KCNQ5: variants seen among roughly 807,000 people sequenced by gnomAD.
KCNQ5 encodes potassium voltage-gated channel subfamily Q member 5, also known as potassium voltage-gated channel subfamily KQT member 5.
A neutral mutation model predicts 98.2 loss-of-function variants in KCNQ5; 30 were observed. The observed-to-expected ratio is 0.31, with a 90% CI of 0.23 to 0.41. The LOEUF is 0.41. KCNQ5 is among the 10% of genes least tolerant of loss of function. The probability of loss-of-function intolerance (pLI) is 1.00; values close to 1 mark genes in which losing one functional copy is unlikely to be tolerated. For synonymous variants in KCNQ5, 458 were observed against 449.4 expected (o/e 1.02, Z -0.24); for missense variants, 835 against 1,182.5 (o/e 0.71, Z 4.31).
chr6:73,048,097 G>A (rs9351965), intron 3 of KCNQ5, among the ~76,000 whole-genome samples: 140,601 of 152,280 alleles, frequency 0.92, 65,539 homozygotes, highest in East Asian at 0.99. Flanking sequence ...TCGTGTGGAC[G>A]AAGAAAAACA....
At chr6:73,097,142 C>CATATATATATATGTATATAT (rs1554208508) in intron 5 of KCNQ5, among the ~76,000 whole-genome samples, 3 of 121,858 alleles carry the variant, frequency 2.5e-5, no homozygotes, top group Admixed American at 1.7e-4. Flanking sequence ...CAATAGATCT[C>CATATATATATATGTATATAT]ATATATATAT....
At chr6:72,698,648 CTTTTTTTTT>C (rs753567095) in intron 1 of KCNQ5, among the ~76,000 whole-genome samples, 1 of 93,998 alleles carries the variant, frequency 1.1e-5, no homozygotes, top group Non-Finnish European at 2.2e-5. Flanking sequence ...TCTTCTTCTT[CTTTTTTTTT>C]TTTTTTTTTT....
intron 1 of KCNQ5, among the ~76,000 whole-genome samples, chr6:72,839,146 T>C (rs1241899741): frequency 1.4e-5 from 2 of 140,340 alleles, no homozygotes; most frequent in Non-Finnish European, 3.1e-5. Context: ...TAGGTATTTT[T>C]CTGGACTGTG....
intron 1 of KCNQ5, among the ~76,000 whole-genome samples, chr6:72,704,339 T>A (rs1180039114): frequency 6.6e-6 from 1 of 152,158 alleles, no homozygotes; most frequent in African/African-American, 2.4e-5. Context: ...GGTTTATTAT[T>A]TAAACCTTTA....
At chr6:72,905,956 C>A (rs1468969490) in intron 1 of KCNQ5, among the ~76,000 whole-genome samples, 1 of 152,136 alleles carries the variant, frequency 6.6e-6, no homozygotes, top group Non-Finnish European at 1.5e-5. Context: ...GGCCGTAGAA[C>A]TCCCAAAAGT....
At chr6:72,954,826 G>A (rs1766969511) in intron 1 of KCNQ5, among the ~76,000 whole-genome samples, 1 of 152,182 alleles carries the variant, frequency 6.6e-6, no homozygotes, top group South Asian at 2.1e-4. Context: ...AGCACAAGAT[G>A]CTTGAAAAAG....
intron 1 of KCNQ5, among the ~76,000 whole-genome samples, chr6:72,762,737 A>G (rs1772351179): frequency 6.6e-6 from 1 of 152,090 alleles, no homozygotes; most frequent in Non-Finnish European, 1.5e-5. Flanking sequence ...ATGAGTAAGT[A>G]ATACTTATAT....
chr6:72,818,225 G>A (rs1775588853), intron 1 of KCNQ5, among the ~76,000 whole-genome samples: 1 of 151,996 alleles, frequency 6.6e-6, no homozygotes, highest in Non-Finnish European at 1.5e-5. Flanking sequence ...TTAATAAAAA[G>A]GAAATTTCAT....
chr6:72,985,123 G>A (rs565722362), intron 1 of KCNQ5, among the ~76,000 whole-genome samples: 17 of 152,252 alleles, frequency 1.1e-4, no homozygotes, highest in South Asian at 2.1e-4. Flanking sequence ...GGAGGATTGC[G>A]TGAGCCCAGA....
intron 1 of KCNQ5, among the ~76,000 whole-genome samples, chr6:72,974,888 C>T (rs557211771): frequency 1.8e-4 from 27 of 152,078 alleles, no homozygotes; most frequent in Non-Finnish European, 2.8e-4. Flanking sequence ...TACAGGTGCA[C>T]GGCACACCCG....
At chr6:72,807,313 G>A (rs1182591936) in intron 1 of KCNQ5, among the ~76,000 whole-genome samples, 14 of 151,810 alleles carry the variant, frequency 9.2e-5, no homozygotes, top group Non-Finnish European at 2.1e-4. Flanking sequence ...TATTTATTAT[G>A]AAAATAACAA....
At chr6:72,856,162 A>G (rs1439866985) in intron 1 of KCNQ5, among the ~76,000 whole-genome samples, 1 of 152,118 alleles carries the variant, frequency 6.6e-6, no homozygotes, top group Non-Finnish European at 1.5e-5. Context: ...AGCATTCTGG[A>G]AAGAGTCCTT....
At chr6:73,055,478 C>A in intron 3 of KCNQ5, 1 of 1,551,158 alleles carries the variant, frequency 6.4e-7, no homozygotes, top group Non-Finnish European at 8.9e-7. Flanking sequence ...GCCCTACCAT[C>A]CTTTCTACAG....
intron 3 of KCNQ5, among the ~76,000 whole-genome samples, chr6:73,052,378 A>G (rs1357123665): frequency 6.6e-6 from 1 of 152,178 alleles, no homozygotes; most frequent in Non-Finnish European, 1.5e-5. Flanking sequence ...CAAATTGAGA[A>G]AATGCAGAGA....
At chr6:73,152,097 A>G (rs879849898) in intron 10 of KCNQ5, among the ~76,000 whole-genome samples, 15 of 152,154 alleles carry the variant, frequency 9.9e-5, no homozygotes, top group South Asian at 6.2e-4. Flanking sequence ...TGCCATTTTG[A>G]TGAAGTACAT....
chr6:72,641,336 T>C (rs1319843177), intron 1 of KCNQ5, among the ~76,000 whole-genome samples: 1 of 152,138 alleles, frequency 6.6e-6, no homozygotes, highest in African/African-American at 2.4e-5. Context: ...CATTTATTAT[T>C]TCACACACAA....
At chr6:73,093,041 CT>C (rs199760474) in intron 5 of KCNQ5, among the ~76,000 whole-genome samples, 14 of 151,998 alleles carry the variant, frequency 9.2e-5, no homozygotes, top group Non-Finnish European at 1.9e-4. Flanking sequence ...TGGTCCTGGA[CT>C]TTTTTTGTTG....
intron 1 of KCNQ5, among the ~76,000 whole-genome samples, chr6:72,751,130 G>T (rs1771657964): frequency 6.6e-6 from 1 of 151,992 alleles, no homozygotes; most frequent in Non-Finnish European, 1.5e-5. Context: ...TGCTGGTAGG[G>T]AGGGAGACAC....
chr6:72,629,445 A>G (rs1160323736), intron 1 of KCNQ5, among the ~76,000 whole-genome samples: 1 of 152,218 alleles, frequency 6.6e-6, no homozygotes, highest in Non-Finnish European at 1.5e-5. Context: ...CTTGAAGACC[A>G]TATTACAATT....
Sources: gnomAD v4.1 joint callset for allele counts (sites outside exome capture counted in the v4.1 genomes callset) on GRCh38, gnomAD v4.1.1 for gene constraint, MANE v1.5 for transcripts, NCBI Gene and HGNC (gene_info 2026-07-23, HGNC 2026-07-21) for gene names.